Variants in TMEM178B observed in about 807,000 individuals in gnomAD.
The protein encoded by TMEM178B is transmembrane protein 178B.
In TMEM178B, 5 loss-of-function variants were observed where a neutral mutation model predicts 31.0. The observed-to-expected ratio is 0.16, with a 90% CI of 0.08 to 0.34. The LOEUF is 0.34. TMEM178B is among the 10% of genes least tolerant of loss of function. TMEM178B has a pLI of 1.00. For missense variants in TMEM178B, 275 were observed against 400.3 expected, an observed-to-expected ratio of 0.69 and a Z score of 2.67; for synonymous variants, 164 against 164.0, an observed-to-expected ratio of 1.00 and a Z score of 0.00.
chr7:141,145,535 C>T (rs1045363619), intron 1 of TMEM178B, among the ~76,000 whole-genome samples: 1 of 152,206 alleles, frequency 6.6e-6, no homozygotes, highest in African/African-American at 2.4e-5. Context: ...AGCTTCCAAA[C>T]CTGCCAGCAT....
chr7:141,226,551 A>G (rs1416698349), intron 2 of TMEM178B, among the ~76,000 whole-genome samples: 1 of 152,174 alleles, frequency 6.6e-6, no homozygotes. Flanking sequence ...TAACAGAAAC[A>G]TACAGTTTTA....
the TMEM178B span, among the ~76,000 whole-genome samples, chr7:141,499,214 G>A: frequency 6.6e-6 from 1 of 152,104 alleles, no homozygotes; most frequent in East Asian, 1.9e-4. Context: ...GTAAAATAAG[G>A]GATGTCTGGT....
At chr7:141,372,687 TTTAA>T (rs1800140482) in intron 2 of TMEM178B, among the ~76,000 whole-genome samples, 1 of 152,220 alleles carries the variant, frequency 6.6e-6, no homozygotes, top group Non-Finnish European at 1.5e-5. Flanking sequence ...AGAATGTCAG[TTTAA>T]TTATTTTAAA....
chr7:141,416,804 C>G (rs1319917086), intron 2 of TMEM178B, among the ~76,000 whole-genome samples: 2 of 152,164 alleles, frequency 1.3e-5, no homozygotes, highest in Non-Finnish European at 2.9e-5. Context: ...GGTGGGGATG[C>G]TTGTCTCTTG....
At chr7:141,292,939 G>T (rs1798571229) in intron 2 of TMEM178B, among the ~76,000 whole-genome samples, 1 of 152,024 alleles carries the variant, frequency 6.6e-6, no homozygotes, top group Non-Finnish European at 1.5e-5. Flanking sequence ...CACCCGGCCA[G>T]ATCTTCTTTT....
chr7:141,297,945 A>G (rs1798663221), intron 2 of TMEM178B, among the ~76,000 whole-genome samples: 1 of 152,194 alleles, frequency 6.6e-6, no homozygotes, highest in Non-Finnish European at 1.5e-5. Context: ...GTCTTCCACA[A>G]TGGTTGAACT....
chr7:141,264,541 C>T (rs1798064265), intron 2 of TMEM178B, among the ~76,000 whole-genome samples: 1 of 152,134 alleles, frequency 6.6e-6, no homozygotes. Flanking sequence ...AAGGGATCCG[C>T]TATGAAGAAG....
chr7:141,215,334 A>T (rs149107637), intron 2 of TMEM178B, among the ~76,000 whole-genome samples: 8 of 59,050 alleles, frequency 1.4e-4, no homozygotes, highest in African/African-American at 2.4e-4. Flanking sequence ...TATTATTATT[A>T]TTATTTTTTG....
intron 2 of TMEM178B, among the ~76,000 whole-genome samples, chr7:141,302,832 A>G (rs1443657678): frequency 6.6e-6 from 1 of 152,218 alleles, no homozygotes; most frequent in Non-Finnish European, 1.5e-5. Context: ...GATGCCCAGC[A>G]TTACTGCATG....
chr7:141,083,968 C>G (rs1220673701), intron 1 of TMEM178B, among the ~76,000 whole-genome samples: 1 of 151,826 alleles, frequency 6.6e-6, no homozygotes, highest in African/African-American at 2.4e-5. Context: ...CCATGCCTGG[C>G]TAATTTTCGT....
At chr7:141,402,381 G>C (rs1800799891) in intron 2 of TMEM178B, among the ~76,000 whole-genome samples, 1 of 152,172 alleles carries the variant, frequency 6.6e-6, no homozygotes, top group African/African-American at 2.4e-5. Flanking sequence ...TGGGAGTCCG[G>C]TCTCTTTCAT....
chr7:141,460,722 C>A (rs1270281499), intron 3 of TMEM178B, among the ~76,000 whole-genome samples: 1 of 152,308 alleles, frequency 6.6e-6, no homozygotes, highest in Non-Finnish European at 1.5e-5. Flanking sequence ...GCCTCAGGAA[C>A]ACAAACCCTG....
At chr7:141,381,322 A>G (rs1800310904) in intron 2 of TMEM178B, among the ~76,000 whole-genome samples, 1 of 152,146 alleles carries the variant, frequency 6.6e-6, no homozygotes, top group South Asian at 2.1e-4. Context: ...CTAGTTTTTT[A>G]TTCATAATAA....
At chr7:141,239,172 A>C (rs1797577033) in intron 2 of TMEM178B, among the ~76,000 whole-genome samples, 1 of 152,212 alleles carries the variant, frequency 6.6e-6, no homozygotes, top group African/African-American at 2.4e-5. Flanking sequence ...GACGTGTCAC[A>C]TGCATGCGTG....
intron 1 of TMEM178B, among the ~76,000 whole-genome samples, chr7:141,122,331 G>C (rs982087854): frequency 6.6e-6 from 1 of 152,192 alleles, no homozygotes; most frequent in African/African-American, 2.4e-5. Flanking sequence ...GGCCAGTTCT[G>C]TCTAATGCAG....
At chr7:141,335,414 G>C (rs1285327832) in intron 2 of TMEM178B, among the ~76,000 whole-genome samples, 4 of 152,188 alleles carry the variant, frequency 2.6e-5, no homozygotes, top group Non-Finnish European at 5.9e-5. Context: ...AAATGACGCT[G>C]CTTTAGAAGT....
At chr7:141,372,843 G>A (rs1017316844) in intron 2 of TMEM178B, among the ~76,000 whole-genome samples, 13 of 152,196 alleles carry the variant, frequency 8.5e-5, no homozygotes, top group Non-Finnish European at 1.5e-5. Context: ...GAACCCAAAT[G>A]ATTAGATGAC....
chr7:141,439,331 G>A (rs768174719), intron 3 of TMEM178B, among the ~76,000 whole-genome samples: 5 of 152,104 alleles, frequency 3.3e-5, no homozygotes, highest in Non-Finnish European at 5.9e-5. Context: ...CCCCACACCT[G>A]TGGTTATGGC....
chr7:141,246,102 T>C (rs1185309781), intron 2 of TMEM178B, among the ~76,000 whole-genome samples: 1 of 152,206 alleles, frequency 6.6e-6, no homozygotes, highest in Admixed American at 6.5e-5. Context: ...TTTTTATTTT[T>C]GTTCAAATTT....
Sources: allele counts gnomAD v4.1 joint callset (sites outside exome capture counted in the v4.1 genomes callset), GRCh38; gene constraint gnomAD v4.1.1; transcripts MANE v1.5; gene names NCBI Gene and HGNC (gene_info 2026-07-23, HGNC 2026-07-21).